PLEC: variants seen among roughly 807,000 people sequenced by gnomAD.
PLEC encodes plectin.
PLEC carries 216 observed loss-of-function variants against 392.8 expected under a neutral mutation model. The ratio of observed to expected loss-of-function variants is 0.55; its 90% CI spans 0.49 to 0.62. The LOEUF (loss-of-function observed/expected upper bound fraction) is 0.62, where lower values mean the gene tolerates loss of function less well. Among genes scored for constraint, PLEC ranks in the 20% least tolerant of loss-of-function variants. The pLI, the probability that PLEC is intolerant of heterozygous loss-of-function variation, is 0.00. For synonymous variants in PLEC, 3,621 were observed against 2,980.6 expected (o/e 1.21, Z -7.00); for missense variants, 6,863 against 6,563.4 (o/e 1.05, Z -1.58).
In PLEC at chr8:143,919,019, C is replaced by T. The variant is rs369570610; in HGVS notation, c.10802G>A (p.Arg3601Gln). 99 of 1,611,208 alleles carry T rather than the reference C, an allele frequency of 6.1e-5. No individual in the cohort carries two copies. The highest frequency in any genetic ancestry group is 3.8e-4 in the East Asian group (17 of 44,868). The change falls in exon 32 of 32, where the codon CGG (arginine) becomes CAG (glutamine). Residue 3601 changes from arginine (R) to glutamine (Q), a missense_variant. Physicochemically the swap from Arg to Gln is conservative, Grantham distance 43. Coordinates refer to ENST00000345136, the MANE Select transcript of PLEC (RefSeq NM_201384.3). ...MQSDLIPEEQ[R>Q]AQLMADFQAG... ...CTGGAAGTCAGCCATCAGCTGGGCCCGCTGCTCCTCGGGGATCAGGTCCGA... is the reference window on the plus strand; with the variant it reads ...CTGGAAGTCAGCCATCAGCTGGGCCTGCTGCTCCTCGGGGATCAGGTCCGA...
intron 9 of PLEC, 21 bp downstream of exon 9, chr8:143,934,789 C>G: frequency 6.2e-7 from 1 of 1,611,662 alleles, no homozygotes; most frequent in Non-Finnish European, 8.5e-7. Flanking sequence ...CCCAGGACCC[C>G]GCCCCCCACG....
chr8:143,961,199 A>C (rs974711416), intron 1 of PLEC, among the ~76,000 whole-genome samples: 6 of 151,968 alleles, frequency 3.9e-5, no homozygotes, highest in African/African-American at 1.4e-4. Context: ...ATTAAAGCTT[A>C]AATTTTGAAA....
upstream of PLEC, among the ~76,000 whole-genome samples, chr8:143,943,290 G>T (rs1462468362): frequency 2.0e-5 from 3 of 152,172 alleles, no homozygotes; most frequent in Non-Finnish European, 4.4e-5. Flanking sequence ...TTGCCACCTG[G>T]GACCACAGCC....
At position 143,924,758 on chromosome 8, in the gene PLEC, T is replaced by C. The variant is rs1477679441; in HGVS notation, c.5171A>G (p.Gln1724Arg). 7 of 1,534,692 alleles carry C rather than the reference T, an allele frequency of 4.6e-6. No individual in the cohort carries two copies. The highest frequency in any genetic ancestry group is 6.1e-6 in the Non-Finnish European group (7 of 1,146,282). The change falls in exon 31 of 32, where the codon CAG becomes CGG. Residue 1724 changes from glutamine to arginine, a missense_variant. By Grantham distance (43) the Gln-to-Arg change is conservative (BLOSUM62 1). Coordinates refer to ENST00000345136, the MANE Select transcript of PLEC (RefSeq NM_201384.3). The part of the protein sequence containing the change: ...ELIRLRAETE[Q>R]GEQQRQLLEE... ...CAGCAGCTGCCGCTGCTGCTCCCCC[T>C]GCTCCGTCTCGGCCCGCAGCCGGAT... is the stretch of plus-strand genomic sequence containing the variant.
At chr8:143,938,427 G>A in intron 2 of PLEC, 187 bp from the exon 3 acceptor site, 1 of 1,538,146 alleles carries the variant, frequency 6.5e-7, no homozygotes, top group Non-Finnish European at 8.7e-7. Flanking sequence ...TGCAAGGAGA[G>A]ACCAGGAAAG....
At chr8:143,956,660 G>A (rs1051585910), upstream of PLEC, among the ~76,000 whole-genome samples, 4 of 152,232 alleles carry the variant, frequency 2.6e-5, no homozygotes, top group African/African-American at 9.6e-5. Context: ...TTCATGCACC[G>A]ACTCCGCCTT....
chr8:143,969,838 G>C lies in PLEC; in HGVS notation c.70+3565C>G, dbSNP rs562061788. 3.3e-5 allele frequency among the ~76,000 whole-genome samples: 5 copies of C among 151,822 alleles called. No homozygotes were observed. The highest frequency in any genetic ancestry group is 2.6e-4 in the Admixed American group (4 of 15,260). Reference sequence around the variant, plus strand: ...GGTGGTCCTGGAGAGGGCAGCAGGGGTGAGAATGAGGCCGGGGTGAGTACC... The same window carrying C: ...GGTGGTCCTGGAGAGGGCAGCAGGGCTGAGAATGAGGCCGGGGTGAGTACC... On this transcript the variant is annotated intron_variant, in intron 1 of 31. Transcript: ENST00000356346. This position sits in a 1 kb window ranked among gnomAD's most constrained non-coding sequence, Gnocchi z 5.1.
At chr8:143,940,992 G>A (rs782713341), upstream of PLEC, among the ~76,000 whole-genome samples, 3 of 152,208 alleles carry the variant, frequency 2.0e-5, no homozygotes, top group African/African-American at 7.2e-5. Flanking sequence ...GTCACCAGAA[G>A]CCCCCAAATC....
In PLEC at chr8:143,924,816, C is replaced by T. The variant is rs782464626; in HGVS notation, c.5113G>A (p.Ala1705Thr). The T allele has an allele frequency of 1.0e-5, 16 of 1,541,060 alleles. No homozygotes were observed. The highest frequency in any genetic ancestry group is 2.7e-5 in the African/African-American group (2 of 73,086). Residue 1705 changes from alanine to threonine, a missense_variant, in exon 31 of 32, where the codon GCG becomes ACG. Transcript: ENST00000345136. ...EKQRQLAEGT[A>T]QQRLAAEQEL... ...TGCTCCGCGGCCAGGCGCTGCTGCG[C>T]GGTGCCTTCCGCCAGCTGCCGCTGC...
At chr8:143,957,014 A>G (rs1235661805), upstream of PLEC, among the ~76,000 whole-genome samples, 12 of 152,206 alleles carry the variant, frequency 7.9e-5, no homozygotes, top group African/African-American at 2.4e-4. Flanking sequence ...GCCTTGCCGT[A>G]GAGGAAACAA....
chr8:143,939,399 C>G lies in PLEC; in HGVS notation c.63G>C (p.Ser21=). 3 of 1,612,762 alleles carry G rather than the reference C, an allele frequency of 1.9e-6. No homozygotes were observed. The highest frequency in any genetic ancestry group is 2.5e-6 in the Non-Finnish European group (3 of 1,179,792). ...PEGLGRKRTS[S]EDNLYLAVLR... ...GCACAGCCAGGTACAGGTTGTCCTC[C>G]GAGCTGGTTCTCTTTCGGCCCAGGC... is the stretch of plus-strand genomic sequence containing the variant. The change falls in exon 1 of 32, where the codon TCG becomes TCC. Residue 21 remains serine (S), a synonymous_variant. Coordinates refer to ENST00000345136, the MANE Select transcript of PLEC (RefSeq NM_201384.3).
upstream of PLEC, among the ~76,000 whole-genome samples, chr8:143,942,974 G>A (rs1053621004): frequency 6.6e-6 from 1 of 152,334 alleles, no homozygotes. Flanking sequence ...GTGGGCTGAG[G>A]TGGGGAGGCA....
Position 143,919,509 on chromosome 8 carries a change from C to A in PLEC, c.10312G>T (p.Asp3438Tyr). 1 of 1,612,744 alleles carries A rather than the reference C, an allele frequency of 6.2e-7. No individual in the cohort carries two copies. Residue 3438 changes from aspartate (D) to tyrosine (Y), a missense_variant, in exon 32 of 32, where the codon GAC becomes TAC. Transcript: ENST00000345136. ...GAGATGGTGCTGCCCGAGTAGGGGT[C>A]TCTGTAGCCGGTGACGGCCTTCTCG... Reference protein sequence around the residue: ...SAEKAVTGYRDPYSGSTISLF... With the variant: ...SAEKAVTGYRYPYSGSTISLF...
At chr8:143,962,427 C>A (rs1359416785) in intron 1 of PLEC, among the ~76,000 whole-genome samples, 1 of 152,214 alleles carries the variant, frequency 6.6e-6, no homozygotes, top group South Asian at 2.1e-4. Flanking sequence ...TTTTAGGGCG[C>A]CCTGCCTGTG....
chr8:143,925,990 G>T (rs1554704762), intron 30 of PLEC, 106 bp from the exon 31 acceptor site: 2 of 1,279,280 alleles, frequency 1.6e-6, no homozygotes, highest in Non-Finnish European at 2.2e-6. Flanking sequence ...GCGGAGCAGG[G>T]GTCGGGGAAG....
chr8:143,916,711 G>T lies in PLEC; in HGVS notation c.13110C>A (p.Ala4370=). 6.2e-7 allele frequency: 1 copy of T among 1,612,880 alleles called. No individual in the cohort carries two copies. ...EDPRTKTKMS[A]AQALKKGWLY... ...GCCAGCCCTTCTTCAGGGCCTGGGC[G>T]GCCGACATCTTGGTCTTGGTGCGTG... The change falls in exon 32 of 32, where the codon GCC becomes GCA. Residue 4370 remains alanine (A), a synonymous_variant. Transcript: ENST00000345136.
intron 1 of PLEC, among the ~76,000 whole-genome samples, chr8:143,948,014 A>G (rs1340391120): frequency 2.6e-5 from 4 of 152,036 alleles, no homozygotes; most frequent in African/African-American, 7.2e-5. Context: ...CACCCCACAT[A>G]TCTGGAGCCC....
chr8:143,960,112 G>A (rs1832802096), intron 1 of PLEC, among the ~76,000 whole-genome samples: 1 of 151,950 alleles, frequency 6.6e-6, no homozygotes, highest in African/African-American at 2.4e-5. Context: ...GAGAAACCCT[G>A]TCTCTACTAA....
rs893124902 is a variant in PLEC, at chr8:143,920,186, A to C, written c.9635T>G (p.Leu3212Arg). The C allele has an allele frequency of 1.2e-6, 2 of 1,611,352 alleles. No homozygotes were observed. Among genetic ancestry groups the C allele is most frequent in the Non-Finnish European group, 8.5e-7 (1 of 1,179,840 alleles). ...DQLTGLSLLP[L>R]SEKAARARQE... ...CCGGGCCCGAGCAGCCTTTTCTGAG[A>C]GCGGCAGCAGGCTCAGCCCGGTCAG... The change falls in exon 32 of 32, where the codon CTC (leucine) becomes CGC (arginine). Residue 3212 changes from leucine to arginine, a missense_variant. Coordinates refer to ENST00000345136, the MANE Select transcript of PLEC (RefSeq NM_201384.3).
Sources: allele counts gnomAD v4.1 joint callset (sites outside exome capture counted in the v4.1 genomes callset), GRCh38; gene constraint gnomAD v4.1.1; non-coding constraint Gnocchi (gnomAD v3.1); transcripts MANE v1.5; gene names NCBI Gene and HGNC (gene_info 2026-07-23, HGNC 2026-07-21).